CCDC3: variants seen among roughly 807,000 people sequenced by gnomAD.
CCDC3 encodes coiled-coil domain containing 3, also known as coiled-coil domain-containing protein 3.
Under a neutral mutation model 21.4 loss-of-function variants are expected in CCDC3, and 24 were observed. The observed-to-expected ratio is 1.12, with a 90% CI of 0.81 to 1.58. CCDC3 has a LOEUF of 1.58. Ranked by LOEUF, CCDC3 falls within the 40% of genes most tolerant of loss-of-function variation. The probability of loss-of-function intolerance (pLI) is 0.00; values close to 1 mark genes in which losing one functional copy is unlikely to be tolerated. For synonymous variants in CCDC3, 186 were observed against 166.0 expected, an observed-to-expected ratio of 1.12 and a Z score of -0.93; for missense variants, 425 against 360.9, an observed-to-expected ratio of 1.18 and a Z score of -1.44.
At chr10:13,078,185 A>G (rs557084998) in intron 3 of CCDC3, among the ~76,000 whole-genome samples, 1 of 152,352 alleles carries the variant, frequency 6.6e-6, no homozygotes, top group African/African-American at 2.4e-5. Flanking sequence ...CAACCCCATC[A>G]AAAAGTGGGC....
At chr10:12,963,995 G>C (rs1023313297) in intron 2 of CCDC3, among the ~76,000 whole-genome samples, 1 of 152,088 alleles carries the variant, frequency 6.6e-6, no homozygotes, top group Non-Finnish European at 1.5e-5. Flanking sequence ...AGGCCTACAA[G>C]GTACAAGTCA....
intron 2 of CCDC3, among the ~76,000 whole-genome samples, chr10:12,901,773 A>T (rs904588784): frequency 6.6e-6 from 1 of 152,204 alleles, no homozygotes; most frequent in Non-Finnish European, 1.5e-5. Flanking sequence ...AACTTTTGTG[A>T]TTGGACCCGG....
At chr10:13,048,287 G>A (rs572642915) in intron 5 of CCDC3, among the ~76,000 whole-genome samples, 1 of 152,202 alleles carries the variant, frequency 6.6e-6, no homozygotes, top group South Asian at 2.1e-4. Context: ...TGCCTCCCAG[G>A]TTCAAGCAAT....
At chr10:13,089,464 C>T (rs1824233681) in intron 3 of CCDC3, among the ~76,000 whole-genome samples, 1 of 152,066 alleles carries the variant, frequency 6.6e-6, no homozygotes, top group Non-Finnish European at 1.5e-5. Flanking sequence ...TTTCTGTCCC[C>T]ATTCCTCGGG....
intron 2 of CCDC3, among the ~76,000 whole-genome samples, chr10:12,975,089 C>T (rs548433413): frequency 6.6e-6 from 1 of 152,330 alleles, no homozygotes; most frequent in East Asian, 1.9e-4. Context: ...GCCAAACTCA[C>T]GCCGCTCTAG....
intron 2 of CCDC3, among the ~76,000 whole-genome samples, chr10:12,977,420 C>T (rs1289624734): frequency 6.6e-6 from 1 of 152,148 alleles, no homozygotes; most frequent in Non-Finnish European, 1.5e-5. Context: ...CTGTGGACAC[C>T]ACTGTCCATA....
At chr10:12,922,859 A>G (rs1834473239) in intron 2 of CCDC3, among the ~76,000 whole-genome samples, 1 of 152,114 alleles carries the variant, frequency 6.6e-6, no homozygotes, top group Non-Finnish European at 1.5e-5. Flanking sequence ...GCTTCCCCAA[A>G]TGCCAATTTA....
intron 2 of CCDC3, among the ~76,000 whole-genome samples, chr10:12,915,200 C>T (rs72775687): frequency 2.0e-5 from 3 of 151,974 alleles, no homozygotes; most frequent in East Asian, 3.8e-4. Flanking sequence ...TGGTTTCAAA[C>T]GATTGTGGTT....
At chr10:13,043,172 G>A (rs556113806) in intron 5 of CCDC3, among the ~76,000 whole-genome samples, 1 of 152,130 alleles carries the variant, frequency 6.6e-6, no homozygotes, top group South Asian at 2.1e-4. Context: ...CTGTCATCCA[G>A]GTAGTAAGCA....
At chr10:13,093,696 G>C (rs1832601798) in intron 3 of CCDC3, among the ~76,000 whole-genome samples, 1 of 152,104 alleles carries the variant, frequency 6.6e-6, no homozygotes, top group Non-Finnish European at 1.5e-5. Flanking sequence ...GAGGTAGCCT[G>C]ATACCCAGGT....
intron 4 of CCDC3, among the ~76,000 whole-genome samples, chr10:13,070,815 G>T (rs1836872741): frequency 6.6e-6 from 1 of 152,164 alleles, no homozygotes; most frequent in Non-Finnish European, 1.5e-5. Context: ...AAACAACCCA[G>T]TCCTATCATG....
At chr10:12,989,916 C>A (rs1835654786) in intron 2 of CCDC3, among the ~76,000 whole-genome samples, 1 of 151,852 alleles carries the variant, frequency 6.6e-6, no homozygotes, top group African/African-American at 2.4e-5. Context: ...TTCTTCAGTG[C>A]CATGTGCAAG....
chr10:12,930,260 C>A (rs953418397), intron 2 of CCDC3, among the ~76,000 whole-genome samples: 4 of 136,536 alleles, frequency 2.9e-5, no homozygotes, highest in African/African-American at 1.0e-4. Context: ...TTTTACATTT[C>A]TTTTCTATTT....
chr10:12,949,464 G>A (rs1198118563), intron 2 of CCDC3, among the ~76,000 whole-genome samples: 1 of 152,190 alleles, frequency 6.6e-6, no homozygotes, highest in East Asian at 1.9e-4. Context: ...GCCATGCTCA[G>A]TGGAGCCACC....
chr10:12,993,971 G>A (rs771768230), intron 2 of CCDC3, among the ~76,000 whole-genome samples: 49 of 152,048 alleles, frequency 3.2e-4, no homozygotes, highest in Non-Finnish European at 7.1e-4. Flanking sequence ...CCTCCAAATC[G>A]ACCCTAGAGT....
rs189527526 is a variant in CCDC3, at chr10:13,098,847, G to T, written c.-581+237C>A. Reference sequence around the variant, plus strand: ...TTCTTCTGCCTTAGCCTCCCGAGTAGCTGGGACTACAGGAGAGTACCATCA... The same window carrying T: ...TTCTTCTGCCTTAGCCTCCCGAGTATCTGGGACTACAGGAGAGTACCATCA... On this transcript the variant is annotated intron_variant, in intron 2 of 6. Coordinates refer to the CCDC3 transcript ENST00000378839. 2.0e-5 allele frequency among the ~76,000 whole-genome samples: 3 copies of T among 150,214 alleles called. No homozygotes were observed. The East Asian group carries it at 6.0e-4, about 30-fold the overall frequency.
chr10:13,019,619 A>G (rs1303239828), intron 5 of CCDC3, among the ~76,000 whole-genome samples: 1 of 152,238 alleles, frequency 6.6e-6, no homozygotes, highest in African/African-American at 2.4e-5. Context: ...TTCCATTTAA[A>G]AATACATTAT....
intron 1 of CCDC3, among the ~76,000 whole-genome samples, chr10:12,998,803 CAA>C (rs2131286095): frequency 6.6e-6 from 1 of 152,324 alleles, no homozygotes; most frequent in African/African-American, 2.4e-5. Flanking sequence ...TCTTCCTTCT[CAA>C]AGAGTGTTCC....
intron 2 of CCDC3, among the ~76,000 whole-genome samples, chr10:12,960,759 C>T (rs757698369): frequency 6.6e-6 from 1 of 152,206 alleles, no homozygotes; most frequent in African/African-American, 2.4e-5. Context: ...GATAAAGAAT[C>T]GCTTGGCTGC....
Sources: allele counts gnomAD v4.1 joint callset (sites outside exome capture counted in the v4.1 genomes callset), GRCh38; gene constraint gnomAD v4.1.1; transcripts MANE v1.5; gene names NCBI Gene and HGNC (gene_info 2026-07-23, HGNC 2026-07-21).